The following ARHGAP12 variants were observed in gnomAD, a reference collection of about 807,000 sequenced individuals.
The protein encoded by ARHGAP12 is Rho GTPase activating protein 12.
A neutral mutation model predicts 108.6 loss-of-function variants in ARHGAP12; 64 were observed. The ratio of observed to expected loss-of-function variants is 0.59; its 90% CI spans 0.48 to 0.73. The LOEUF (loss-of-function observed/expected upper bound fraction) is 0.73. ARHGAP12 is among the 30% of genes least tolerant of loss of function. The pLI is 0.00. For missense variants in ARHGAP12, 940 were observed against 1,005.9 expected (o/e 0.93, Z 0.89); for synonymous variants, 312 against 337.2 (o/e 0.93, Z 0.82).
At chr10:31,894,632 ATGGATAGGAAGAATCAATAT>A (rs1470303234) in intron 3 of ARHGAP12, among the ~76,000 whole-genome samples, 1 of 152,268 alleles carries the variant, frequency 6.6e-6, no homozygotes, top group Non-Finnish European at 1.5e-5. Context: ...TTCCATGCTC[ATGGATAGGAAGAATCAATAT>A]CGTGAAAATG....
chr10:31,841,985 C>T (rs1459626895), intron 7 of ARHGAP12, among the ~76,000 whole-genome samples: 1 of 151,748 alleles, frequency 6.6e-6, no homozygotes, highest in Non-Finnish European at 1.5e-5. Context: ...AATCTCTAAT[C>T]GCAAAAAAAT....
intron 3 of ARHGAP12, among the ~76,000 whole-genome samples, chr10:31,883,484 A>C (rs922738365): frequency 2.6e-5 from 4 of 152,198 alleles, no homozygotes; most frequent in Non-Finnish European, 4.4e-5. Flanking sequence ...AAGAACTAAC[A>C]TAGTAGAGGT....
intron 13 of ARHGAP12, among the ~76,000 whole-genome samples, chr10:31,816,168 CGTGTGTGTGTGT>C (rs201754040): frequency 3.8e-4 from 52 of 136,428 alleles, no homozygotes; most frequent in African/African-American, 8.3e-4. Context: ...AAGAAAGAAA[CGTGTGTGTGTGT>C]GTGTGTGTGT....
chr10:31,881,563 GATTT>G (rs556142958), intron 3 of ARHGAP12, among the ~76,000 whole-genome samples: 71 of 152,270 alleles, frequency 4.7e-4, no homozygotes, highest in African/African-American at 1.5e-3. Context: ...AAACTGTTAA[GATTT>G]ATTAAGCATT....
intron 3 of ARHGAP12, among the ~76,000 whole-genome samples, chr10:31,880,132 C>T (rs1171057127): frequency 6.6e-6 from 1 of 152,298 alleles, no homozygotes; most frequent in African/African-American, 2.4e-5. Context: ...TAAATGAGTA[C>T]ATGAATAATT....
At chr10:31,927,116 G>C (rs1378937749) in intron 1 of ARHGAP12, among the ~76,000 whole-genome samples, 1 of 152,104 alleles carries the variant, frequency 6.6e-6, no homozygotes, top group Non-Finnish European at 1.5e-5. Flanking sequence ...ATGCAACCAG[G>C]GGTCGCACAT....
rs577796583 is a variant in ARHGAP12 at position 31,870,822 on chromosome 10, T to TA, written c.685-9165dup. Among the ~76,000 whole-genome samples, 35 of 152,350 alleles carry TA rather than the reference T, an allele frequency of 2.3e-4. No individual in the cohort carries two copies. The East Asian group carries it at 6.6e-3, about 29-fold the overall frequency. On this transcript the variant is annotated intron_variant, in intron 3 of 19. Transcript: ENST00000344936. ...TTTGAAAACAAAAACTTACAAATTC[T>TA]AATGTTCCTGTCTAAAGCGTGACTG...
rs1355141836 is a variant in ARHGAP12 at position 31,888,700 on chromosome 10, G to A, written c.684+19472C>T. ...CTGGGTTTCCAGCACTTACAATTAA[G>A]AGTTCTAATACACAAGGATGAAAGC... On this transcript the variant is annotated intron_variant, in intron 3 of 19. Transcript: ENST00000344936. Among the ~76,000 whole-genome samples, 7 of 152,154 alleles carry A rather than the reference G, an allele frequency of 4.6e-5. No individual in the cohort carries two copies. The East Asian group carries it at 1.4e-3, about 29-fold the overall frequency.
intron 7 of ARHGAP12, among the ~76,000 whole-genome samples, chr10:31,842,255 T>G (rs1836297656): frequency 1.3e-5 from 2 of 152,086 alleles, no homozygotes; most frequent in Admixed American, 1.3e-4. Context: ...TATATGGTAT[T>G]TGGGAGATTC....
rs1403967890 is a variant in ARHGAP12, at chr10:31,887,689, G to A, written c.684+20483C>T. ...TTTTTTTTTTTTGAGATGGAGTCTC[G>A]CTTTGTCGCCCAGGCTGGAGTGCAG... On this transcript the variant is annotated intron_variant, in intron 3 of 19. Coordinates refer to ENST00000344936, the MANE Select transcript of ARHGAP12 (RefSeq NM_018287.7). Among the ~76,000 whole-genome samples the A allele has an allele frequency of 1.3e-4, 18 of 135,650 alleles. No homozygotes were observed. The East Asian group carries it at 2.1e-3, about 16-fold the overall frequency. 89.0% of individuals were successfully genotyped at this position (135,650 alleles called of 152,430 possible).
intron 1 of ARHGAP12, among the ~76,000 whole-genome samples, chr10:31,915,772 G>A (rs1592380220): frequency 6.6e-6 from 1 of 151,834 alleles, no homozygotes. Context: ...AATAATTTAC[G>A]TTTAAAAAAA....
intron 8 of ARHGAP12, 58 bp downstream of exon 8, chr10:31,839,579 G>A: frequency 6.9e-7 from 1 of 1,445,840 alleles, no homozygotes; most frequent in Non-Finnish European, 9.5e-7. Context: ...AAATTAACTT[G>A]CTAAAATTGA....
chr10:31,908,576 T>C lies in ARHGAP12; in HGVS notation c.280A>G (p.Ile94Val). The change falls in exon 3 of 20, where the codon ATA becomes GTA. Residue 94 changes from isoleucine (I) to valine (V), a missense_variant. Ile to Val is a conservative substitution (Grantham distance 29). Coordinates refer to ENST00000344936, the MANE Select transcript of ARHGAP12 (RefSeq NM_018287.7). ...VAGLPNNSTK[I>V]MQSLHLQRST... ...CTCTGAAGATGCAAACTCTGCATTA[T>C]TTTCGTGGAGTTATTTGGCAGACCA... The C allele has an allele frequency of 6.2e-7, 1 of 1,614,228 alleles. No homozygotes were observed. Among genetic ancestry groups the C allele is most frequent in the Non-Finnish European group, 8.5e-7 (1 of 1,180,044 alleles).
chr10:31,843,180 T>C (rs1296252572), intron 7 of ARHGAP12, among the ~76,000 whole-genome samples: 2 of 152,248 alleles, frequency 1.3e-5, no homozygotes, highest in Admixed American at 6.5e-5. Flanking sequence ...TAAGTCAGTC[T>C]ATTGTGCAAA....
chr10:31,845,041 C>A (rs1291874700), intron 6 of ARHGAP12, among the ~76,000 whole-genome samples: 1 of 152,158 alleles, frequency 6.6e-6, no homozygotes, highest in African/African-American at 2.4e-5. Flanking sequence ...TTATTTGGGT[C>A]TTCCTTTATT....
At chr10:31,850,987 G>A (rs1836656399) in intron 6 of ARHGAP12, among the ~76,000 whole-genome samples, 1 of 152,006 alleles carries the variant, frequency 6.6e-6, no homozygotes. Context: ...GTGATTTGTG[G>A]CACTTTTCAA....
At chr10:31,820,714 A>T (rs780128098) in intron 11 of ARHGAP12, among the ~76,000 whole-genome samples, 19 of 12,252 alleles carry the variant, frequency 1.6e-3, no homozygotes, top group African/African-American at 5.6e-3. Context: ...CCATCATATT[A>T]TATATATATA....
chr10:31,882,746 G>T (rs1838024520), intron 3 of ARHGAP12, among the ~76,000 whole-genome samples: 2 of 151,072 alleles, frequency 1.3e-5, no homozygotes, highest in Admixed American at 1.3e-4. Context: ...TTGGGAGGTG[G>T]AAGCTGCAGT....
At chr10:31,897,532 G>C (rs945638284) in intron 3 of ARHGAP12, among the ~76,000 whole-genome samples, 1 of 152,074 alleles carries the variant, frequency 6.6e-6, no homozygotes, top group Admixed American at 6.6e-5. Context: ...GAAAATCTTA[G>C]ATACTTAGTA....
Sources: allele counts gnomAD v4.1 joint callset (sites outside exome capture counted in the v4.1 genomes callset), GRCh38; gene constraint gnomAD v4.1.1; transcripts MANE v1.5; gene names NCBI Gene and HGNC (gene_info 2026-07-23, HGNC 2026-07-21).